Variants in MTCP1 observed in about 807,000 individuals in gnomAD.
MTCP1 encodes protein p13 MTCP-1.
Under a neutral mutation model 10.6 loss-of-function variants are expected in MTCP1, and 2 were observed. The ratio of observed to expected loss-of-function variants is 0.19; its 90% confidence interval spans 0.08 to 0.59. MTCP1 has a LOEUF of 0.59. Among genes scored for constraint, MTCP1 ranks in the 20% least tolerant of loss-of-function variants. MTCP1 has a pLI of 0.90. For synonymous variants in MTCP1, 29 were observed against 34.4 expected, an observed-to-expected ratio of 0.84 and a Z score of 0.55; for missense variants, 33 against 91.5, an observed-to-expected ratio of 0.36 and a Z score of 2.61.
At chrX:155,067,442 C>T (rs974022036) in intron 1 of MTCP1, among the ~76,000 whole-genome samples, 6 of 111,789 alleles carry the variant, frequency 5.4e-5, no homozygotes, top group African/African-American at 2.0e-4. Flanking sequence ...GCAGGCACTA[C>T]AACTACCACT....
At position 155,066,021 on chromosome X, in the gene MTCP1, G is replaced by GGCCA; in HGVS notation, c.-12_-11insTGGC. The stretch of plus-strand genomic sequence containing the variant: ...ATCCTCTCCTGCCATTCTGGGCTTT[G>GGCCA]GGTTCCAATTCTAGCCCTGCTTTTC... On this transcript the variant is annotated 5_prime_UTR_variant, in exon 2 of 5. Transcript: ENST00000369476. 8.4e-7 allele frequency: 1 copy of GGCCA among 1,186,867 alleles called. No homozygotes were observed. Among genetic ancestry groups the GGCCA allele is most frequent in the Non-Finnish European group, 1.1e-6 (1 of 873,442 alleles).
In MTCP1 at chrX:155,065,281, C is replaced by A; in HGVS notation, c.*123G>T. 1 of 436,307 alleles carries A rather than the reference C, an allele frequency of 2.3e-6. No homozygotes were observed. The highest frequency in any genetic ancestry group is 4.0e-6 in the Non-Finnish European group (1 of 247,285). The allele number at this position is 436,307 out of a possible 1,213,427, so 36.0% of individuals were successfully genotyped here. A position where few individuals can be genotyped will look rare whatever the true frequency, so the allele number is the denominator to read the frequency against. On this transcript the variant is annotated 3_prime_UTR_variant, in exon 5 of 5. Coordinates refer to ENST00000369476, the MANE Select transcript of MTCP1 (RefSeq NM_001018025.4). ...CCTTGCTAAACTTCTGTTTCTTGAG[C>A]AGTTTTTCAACCCACTCCCTCCCCC...
rs192672320 is a variant in MTCP1 at position 155,066,536 on chromosome X, T to C, written c.-47-479A>G. Among the ~76,000 whole-genome samples, 677 of 112,641 alleles carry C rather than the reference T, an allele frequency of 6.0e-3. 7 individuals are homozygous for C. Among genetic ancestry groups the C allele is most frequent in the African/African-American group, 0.021 (642 of 31,013 alleles). Reference sequence around the variant, plus strand: ...TTAAAAGGTAAGATTCTGAAGGACATATATGCATGTCTTTCAGAGTTGAAA... The same window carrying C: ...TTAAAAGGTAAGATTCTGAAGGACACATATGCATGTCTTTCAGAGTTGAAA... On this transcript the variant is annotated intron_variant, in intron 1 of 4. Transcript: ENST00000369476.
chrX:155,065,676 C>T lies in MTCP1; in HGVS notation c.219G>A (p.Pro73=), dbSNP rs1239568387. 1.2e-5 allele frequency: 14 copies of T among 1,209,756 alleles called. No homozygotes were observed. The highest frequency in any genetic ancestry group is 2.2e-5 in the Admixed American group (1 of 45,803). Residue 73 remains proline (P), a synonymous_variant, in exon 3 of 5, where the codon CCG becomes CCA. Coordinates refer to ENST00000369476, the MANE Select transcript of MTCP1 (RefSeq NM_001018025.4). ...SQLPLMWQLY[P]EERYMDNNSR... ...AGTTGTTATCCATGTAGCGCTCCTC[C>T]GGGTAGAGTTGCCACATGAGAGGTA...
intron 1 of MTCP1, among the ~76,000 whole-genome samples, chrX:155,066,930 G>A (rs1283352397): frequency 7.3e-4 from 82 of 111,949 alleles, no homozygotes; most frequent in East Asian, 5.6e-4. Context: ...ACTCTATAAC[G>A]ATCCTCTGCC....
intron 1 of MTCP1, among the ~76,000 whole-genome samples, chrX:155,067,252 T>C (rs1458861100): frequency 8.9e-6 from 1 of 112,002 alleles, no homozygotes; most frequent in African/African-American, 3.2e-5. Context: ...AGCTCCTGTC[T>C]TAGTTTTCAT....
intron 1 of MTCP1, among the ~76,000 whole-genome samples, chrX:155,069,476 T>C (rs1557292261): frequency 2.7e-5 from 3 of 112,101 alleles, no homozygotes; most frequent in Non-Finnish European, 3.8e-5. Flanking sequence ...TCCTATATGT[T>C]TACATATATT....
intron 1 of MTCP1, among the ~76,000 whole-genome samples, chrX:155,069,162 A>G (rs2073959925): frequency 8.8e-6 from 1 of 113,127 alleles, no homozygotes; most frequent in Admixed American, 9.3e-5. Context: ...TTTCCTTTAC[A>G]GAATAAATTC....
Position 155,070,950 on chromosome X carries a change from G to GT in MTCP1, c.-305dup, listed in dbSNP as rs2073971776. 8.9e-6 allele frequency: 1 copy of GT among 112,951 alleles called. No individual in the cohort carries two copies. The highest frequency in any genetic ancestry group is 1.9e-5 in the Non-Finnish European group (1 of 53,257). The allele number at this position is 112,951 out of a possible 1,213,427, so 9.3% of individuals were successfully genotyped here. A position where few individuals can be genotyped will look rare whatever the true frequency, so the allele number is the denominator to read the frequency against. On this transcript the variant is annotated 5_prime_UTR_variant, in exon 1 of 5. Transcript: ENST00000369476. ...AACAAAATAAAATAAAACCTTAACTGTTTTGGGACTGACTTTCAAAAGAGC... is the reference window on the plus strand; with the variant it reads ...AACAAAATAAAATAAAACCTTAACTGTTTTTGGGACTGACTTTCAAAAGAGC...
intron 1 of MTCP1, among the ~76,000 whole-genome samples, chrX:155,067,755 G>A (rs782151829): frequency 8.0e-5 from 9 of 112,191 alleles, no homozygotes; most frequent in Non-Finnish European, 1.5e-4. Context: ...TACAGTTCTG[G>A]GCACCCCAAG....
At chrX:155,066,146 C>T in intron 1 of MTCP1, 89 bp from the exon 2 acceptor site, 1 of 461,036 alleles carries the variant, frequency 2.2e-6, no homozygotes, top group Non-Finnish European at 3.8e-6. Flanking sequence ...CTAGCAACCA[C>T]TAACCAGAAC....
In MTCP1 at chrX:155,064,178, T is replaced by C; in HGVS notation, c.*1226A>G. ...ACACTAAAAATACTCTTCCCAAACA[T>C]AGGATGAATCAACTGTATTTTTATA... On this transcript the variant is annotated 3_prime_UTR_variant, in exon 5 of 5. Coordinates refer to ENST00000369476, the MANE Select transcript of MTCP1 (RefSeq NM_001018025.4). The C allele has an allele frequency of 2.7e-6, 1 of 363,654 alleles. No individual in the cohort carries two copies. Among genetic ancestry groups the C allele is most frequent in the Non-Finnish European group, 4.8e-6 (1 of 207,750 alleles). The allele number at this position is 363,654 out of a possible 1,213,427, so 30.0% of individuals were successfully genotyped here.
intron 1 of MTCP1, among the ~76,000 whole-genome samples, chrX:155,070,108 C>T: frequency 8.9e-6 from 1 of 112,115 alleles, no homozygotes; most frequent in East Asian, 2.8e-4. Context: ...AAAACGGAGG[C>T]TGCTGGCGTG....
Position 155,064,040 on chromosome X carries a change from CA to C in MTCP1, c.*1363del. On this transcript the variant is annotated 3_prime_UTR_variant, in exon 5 of 5. Coordinates refer to ENST00000369476, the MANE Select transcript of MTCP1 (RefSeq NM_001018025.4). ...CTGCGGCATATCCAGAAAACTAAAACAAGAAAAATGATTTTTATTTTTCTTT... is the reference window on the plus strand; with the variant it reads ...CTGCGGCATATCCAGAAAACTAAAACAGAAAAATGATTTTTATTTTTCTTT... The C allele has an allele frequency of 8.5e-7, 1 of 1,174,204 alleles. No homozygotes were observed. The highest frequency in any genetic ancestry group is 3.0e-5 in the East Asian group (1 of 33,252).
chrX:155,068,773 G>A (rs1349552269), intron 1 of MTCP1, among the ~76,000 whole-genome samples: 3 of 112,355 alleles, frequency 2.7e-5, no homozygotes, highest in Non-Finnish European at 5.6e-5. Context: ...TATTTGACTA[G>A]AGAACATTTT....
In MTCP1 at chrX:155,065,179, G is replaced by A. The variant is rs782100018; in HGVS notation, c.*225C>T. On this transcript the variant is annotated 3_prime_UTR_variant, in exon 5 of 5. Coordinates refer to ENST00000369476, the MANE Select transcript of MTCP1 (RefSeq NM_001018025.4). Reference sequence around the variant, plus strand: ...GAGTCAATTTCAAGTTACGGATCCTGACTAAGTGCTTTTGTTGACTTGCTT... The same window carrying A: ...GAGTCAATTTCAAGTTACGGATCCTAACTAAGTGCTTTTGTTGACTTGCTT... The A allele has an allele frequency of 3.1e-6, 1 of 326,395 alleles. No homozygotes were observed. Among genetic ancestry groups the A allele is most frequent in the East Asian group, 5.2e-5 (1 of 19,311 alleles). 26.9% of individuals were successfully genotyped at this position (326,395 alleles called of 1,213,427 possible).
intron 1 of MTCP1, among the ~76,000 whole-genome samples, chrX:155,070,079 C>T (rs1169906760): frequency 8.9e-6 from 1 of 112,240 alleles, no homozygotes; most frequent in Non-Finnish European, 1.9e-5. Flanking sequence ...GCCATGTGAT[C>T]CTTACAGATC....
chrX:155,064,074 A>G lies in MTCP1; in HGVS notation c.*1330T>C, dbSNP rs183353782. The G allele has an allele frequency of 1.6e-4, 168 of 1,053,093 alleles. 1 individual carries two copies. The African/African-American group carries it at 2.8e-3, about 18-fold the overall frequency. 86.8% of individuals were successfully genotyped at this position (1,053,093 alleles called of 1,213,427 possible). A position where few individuals can be genotyped will look rare whatever the true frequency, so the allele number is the denominator to read the frequency against. On this transcript the variant is annotated 3_prime_UTR_variant, in exon 5 of 5. Coordinates refer to ENST00000369476, the MANE Select transcript of MTCP1 (RefSeq NM_001018025.4). ...TGATTTTTATTTTTCTTTTTTCCAT[A>G]AAGACTTTAAAGCCCCTCTACGTGG... is the stretch of plus-strand genomic sequence containing the variant.
Position 155,064,310 on chromosome X carries a change from G to A in MTCP1, c.*1094C>T. On this transcript the variant is annotated 3_prime_UTR_variant, in exon 5 of 5. Coordinates refer to ENST00000369476, the MANE Select transcript of MTCP1 (RefSeq NM_001018025.4). ...ACTGTAAACCAACGTTAGGCTAGAG[G>A]AGCCGACGGCGCAGCCTGGCTCTAT... 2 of 192,143 alleles carry A rather than the reference G, an allele frequency of 1.0e-5. No homozygotes were observed. The highest frequency in any genetic ancestry group is 2.9e-5 in the African/African-American group (1 of 34,540). The allele number at this position is 192,143 out of a possible 1,213,427, so 15.8% of individuals were successfully genotyped here. A position where few individuals can be genotyped will look rare whatever the true frequency, so the allele number is the denominator to read the frequency against.
Sources: allele counts gnomAD v4.1 joint callset (sites outside exome capture counted in the v4.1 genomes callset), GRCh38; gene constraint gnomAD v4.1.1; transcripts MANE v1.5; gene names NCBI Gene and HGNC (gene_info 2026-07-23, HGNC 2026-07-21).